Variants in U2SURP observed in about 807,000 individuals in gnomAD.
U2SURP encodes U2 snRNP-associated SURP motif-containing protein.
Under a neutral mutation model 144.9 loss-of-function variants are expected in U2SURP, and 9 were observed. The observed-to-expected ratio is 0.06, with a 90% CI of 0.04 to 0.11. The LOEUF (loss-of-function observed/expected upper bound fraction) is 0.11. Among genes scored for constraint, U2SURP ranks in the 10% least tolerant of loss-of-function variants. The probability of loss-of-function intolerance (pLI) is 1.00; values close to 1 mark genes in which losing one functional copy is unlikely to be tolerated. For missense variants in U2SURP, 724 were observed against 1,226.7 expected, an observed-to-expected ratio of 0.59 and a Z score of 6.12; for synonymous variants, 408 against 396.8, an observed-to-expected ratio of 1.03 and a Z score of -0.33.
In U2SURP at chr3:143,028,336, G is replaced by A; in HGVS notation, c.1380-4G>A. On this transcript the variant is annotated splice_polypyrimidine_tract_variant and splice_region_variant and intron_variant, in intron 14 of 27. Transcript: ENST00000473835. ...GATGTTTAATGTTTGTTTGTTTTGT[G>A]TAGGTTCTTATTTGAAAACCAGACA... is the stretch of plus-strand genomic sequence containing the variant. 2.5e-6 allele frequency: 4 copies of A among 1,609,684 alleles called. No individual in the cohort carries two copies. In the South Asian group the frequency reaches 3.3e-5, roughly 13 times the overall value.
At position 143,055,171 on chromosome 3, in the gene U2SURP, T is replaced by C. The variant is rs376256641; in HGVS notation, c.2951+52T>C. On this transcript the variant is annotated intron_variant, in intron 27 of 27. Coordinates refer to ENST00000473835, the MANE Select transcript of U2SURP (RefSeq NM_001080415.2). ...TTTCAGATACCAGTTTCCTTGTCATTTCATCAGCTTTTGAAAATAATTTGG... is the reference window on the plus strand; with the variant it reads ...TTTCAGATACCAGTTTCCTTGTCATCTCATCAGCTTTTGAAAATAATTTGG... 6 of 1,440,642 alleles carry C rather than the reference T, an allele frequency of 4.2e-6. No individual in the cohort carries two copies. The East Asian group carries it at 1.1e-4, about 25-fold the overall frequency. 89.2% of individuals were successfully genotyped at this position (1,440,642 alleles called of 1,614,324 possible). A position where few individuals can be genotyped will look rare whatever the true frequency, so the allele number is the denominator to read the frequency against.
At chr3:143,011,085 T>C (rs1057181633) in intron 2 of U2SURP, among the ~76,000 whole-genome samples, 12 of 152,168 alleles carry the variant, frequency 7.9e-5, no homozygotes, top group African/African-American at 2.9e-4. Flanking sequence ...TTCCTTATGA[T>C]TTTTATTGTG....
At chr3:143,018,963 G>A (rs1389948329) in intron 6 of U2SURP, among the ~76,000 whole-genome samples, 2 of 152,100 alleles carry the variant, frequency 1.3e-5, no homozygotes, top group Non-Finnish European at 2.9e-5. Context: ...TATTTTGTTT[G>A]AAAAGTTTAT....
chr3:143,059,102 AT>A lies in U2SURP; in HGVS notation c.*2658del, dbSNP rs1935274111. On this transcript the variant is annotated 3_prime_UTR_variant, in exon 28 of 28. Coordinates refer to ENST00000473835, the MANE Select transcript of U2SURP (RefSeq NM_001080415.2). ...TGATGGAAAATGATCACGTCTCTGAATTTTTTCTTTAACGTTATAGTTCCTT... is the reference window on the plus strand; with the variant it reads ...TGATGGAAAATGATCACGTCTCTGAATTTTTCTTTAACGTTATAGTTCCTT... 1 of 152,318 alleles carries A rather than the reference AT, an allele frequency of 6.6e-6. No individual in the cohort carries two copies. Among genetic ancestry groups the A allele is most frequent in the Non-Finnish European group, 1.5e-5 (1 of 67,830 alleles). 9.4% of individuals were successfully genotyped at this position (152,318 alleles called of 1,614,324 possible).
chr3:143,054,583 A>T (rs2108321536), intron 26 of U2SURP, among the ~76,000 whole-genome samples: 1 of 152,296 alleles, frequency 6.6e-6, no homozygotes. Flanking sequence ...CTTCTGTCCC[A>T]CCTCCAACCA....
chr3:143,044,512 C>G (rs1578161444), intron 24 of U2SURP, among the ~76,000 whole-genome samples: 1 of 151,922 alleles, frequency 6.6e-6, no homozygotes. Flanking sequence ...GTCTCACCCT[C>G]TCCTTTTTAA....
intron 23 of U2SURP, among the ~76,000 whole-genome samples, chr3:143,041,072 AAATT>A (rs896052841): frequency 2.0e-5 from 3 of 151,846 alleles, no homozygotes; most frequent in African/African-American, 7.2e-5. Flanking sequence ...TTGCAAAAAA[AAATT>A]AGAAAAAATT....
chr3:143,014,261 T>C, intron 3 of U2SURP, 50 bp from the exon 4 acceptor site: 2 of 1,289,982 alleles, frequency 1.6e-6, no homozygotes, highest in Non-Finnish European at 2.2e-6. Context: ...TATTAAAGTT[T>C]TAGATAGCAT....
intron 1 of U2SURP, among the ~76,000 whole-genome samples, chr3:143,004,191 C>T (rs1377484022): frequency 6.6e-6 from 1 of 151,970 alleles, no homozygotes; most frequent in Non-Finnish European, 1.5e-5. Context: ...TCGTCGTTTT[C>T]TTTGGTAGTT....
Position 143,021,489 on chromosome 3 carries a change from A to G in U2SURP, c.786A>G (p.Ala262=). 1 of 1,613,830 alleles carries G rather than the reference A, an allele frequency of 6.2e-7. No individual in the cohort carries two copies. The highest frequency in any genetic ancestry group is 1.1e-5 in the South Asian group (1 of 91,060). The change falls in exon 10 of 28, where the codon GCA becomes GCG. Residue 262 remains alanine (A), a synonymous_variant. Coordinates refer to ENST00000473835, the MANE Select transcript of U2SURP (RefSeq NM_001080415.2). ...NRSSGVLDDY[A]PGSHDVGDPS... ...CTGCCCTAGTTCTTGATGATTACGC[A>G]CCTGGCTCACATGATGTAGGAGATC...
chr3:143,037,851 T>C (rs1933895106), intron 21 of U2SURP, among the ~76,000 whole-genome samples: 2 of 152,132 alleles, frequency 1.3e-5, no homozygotes, highest in Admixed American at 6.6e-5. Flanking sequence ...ATTAAAGATT[T>C]GTTTTACTTC....
chr3:143,014,125 GAA>G (rs750809742), intron 3 of U2SURP, among the ~76,000 whole-genome samples, 184 bp from the exon 4 acceptor site: 13 of 150,994 alleles, frequency 8.6e-5, no homozygotes, highest in Non-Finnish European at 1.6e-4. Context: ...ATTCTTTGAT[GAA>G]TACTTAACAT....
At chr3:143,047,032 T>G (rs1371118947) in intron 24 of U2SURP, among the ~76,000 whole-genome samples, 1 of 128,100 alleles carries the variant, frequency 7.8e-6, no homozygotes. Context: ...ATGGGGCGGC[T>G]GGCCAGGCGG....
In U2SURP at chr3:143,004,198, A is replaced by T. The variant is rs146722459; in HGVS notation, c.45+2525A>T. Among the ~76,000 whole-genome samples the T allele has an allele frequency of 6.5e-3, 994 of 152,232 alleles. 7 individuals are homozygous for T. Among genetic ancestry groups the T allele is most frequent in the African/African-American group, 0.022 (923 of 41,550 alleles). On this transcript the variant is annotated intron_variant, in intron 1 of 27. Transcript: ENST00000473835. Reference sequence around the variant, plus strand: ...TTCATGATTCGTCGTTTTCTTTGGTAGTTACATTCCCGTTAATATGGATAG... The same window carrying T: ...TTCATGATTCGTCGTTTTCTTTGGTTGTTACATTCCCGTTAATATGGATAG...
chr3:143,012,408 CT>C, intron 3 of U2SURP, 55 bp downstream of exon 3: 1 of 1,452,606 alleles, frequency 6.9e-7, no homozygotes, highest in Non-Finnish European at 9.1e-7. Flanking sequence ...TGATTTTAAT[CT>C]GTCTTTGACT....
At chr3:143,049,585 T>G (rs1386869616) in intron 24 of U2SURP, among the ~76,000 whole-genome samples, 1 of 152,208 alleles carries the variant, frequency 6.6e-6, no homozygotes. Flanking sequence ...ACTTGGAGGA[T>G]CTTCCAGGTC....
At position 143,049,943 on chromosome 3, in the gene U2SURP, G is replaced by T. The variant is rs1256207506; in HGVS notation, c.2545-996G>T. ...ATTACATGTATTTGTTTGTGTGGAG[G>T]TGTATTAGCCAGAAATCTCTGGGTA... On this transcript the variant is annotated intron_variant, in intron 24 of 27. Coordinates refer to ENST00000473835, the MANE Select transcript of U2SURP (RefSeq NM_001080415.2). Among the ~76,000 whole-genome samples, 4 of 152,158 alleles carry T rather than the reference G, an allele frequency of 2.6e-5. No homozygotes were observed. The East Asian group carries it at 5.8e-4, about 22-fold the overall frequency.
At chr3:143,055,774 TGTATATGTAC>T (rs1180168240) in intron 27 of U2SURP, among the ~76,000 whole-genome samples, 1 of 152,206 alleles carries the variant, frequency 6.6e-6, no homozygotes, top group Non-Finnish European at 1.5e-5. Flanking sequence ...TATATATGTA[TGTATATGTAC>T]ATGTATCTTT....
At chr3:143,009,819 C>T (rs1474555809) in intron 1 of U2SURP, among the ~76,000 whole-genome samples, 2 of 152,118 alleles carry the variant, frequency 1.3e-5, no homozygotes, top group Non-Finnish European at 2.9e-5. Flanking sequence ...TTTTAAATAA[C>T]ATGAATCTTC....
Sources: allele counts gnomAD v4.1 joint callset (sites outside exome capture counted in the v4.1 genomes callset), GRCh38; gene constraint gnomAD v4.1.1; transcripts MANE v1.5; gene names NCBI Gene and HGNC (gene_info 2026-07-23, HGNC 2026-07-21).